Variants in ADCY2 observed in about 807,000 individuals in gnomAD.
The protein encoded by ADCY2 is adenylate cyclase type 2.
Under a neutral mutation model 125.2 loss-of-function variants are expected in ADCY2, and 31 were observed. That is an observed-to-expected ratio of 0.25 (90% CI 0.19 to 0.33). The LOEUF (loss-of-function observed/expected upper bound fraction) is 0.33. Among genes scored for constraint, ADCY2 ranks in the 10% least tolerant of loss-of-function variants. The pLI is 1.00. For missense variants in ADCY2, 904 were observed against 1,418.2 expected (o/e 0.64, Z 5.82); for synonymous variants, 512 against 548.4 (o/e 0.93, Z 0.93).
At chr5:7,407,911 C>A (rs536012663) in intron 1 of ADCY2, among the ~76,000 whole-genome samples, 1 of 146,906 alleles carries the variant, frequency 6.8e-6, no homozygotes, top group Non-Finnish European at 1.5e-5. Context: ...CTCTGTCGAT[C>A]CAGCTGGAGT....
chr5:7,503,580 T>C (rs1029386153), intron 2 of ADCY2, among the ~76,000 whole-genome samples: 1 of 152,060 alleles, frequency 6.6e-6, no homozygotes, highest in Non-Finnish European at 1.5e-5. Flanking sequence ...CCGCCTGCCG[T>C]TGGGGGGATC....
intron 3 of ADCY2, among the ~76,000 whole-genome samples, chr5:7,592,708 C>T (rs1037031543): frequency 2.0e-5 from 3 of 151,924 alleles, no homozygotes; most frequent in African/African-American, 7.3e-5. Context: ...TAACTGTTAC[C>T]CTGTCAATAA....
intron 2 of ADCY2, among the ~76,000 whole-genome samples, chr5:7,484,531 G>C (rs148735169): frequency 6.6e-6 from 1 of 152,248 alleles, no homozygotes; most frequent in Admixed American, 6.5e-5. Context: ...ACAATTCCAC[G>C]TCTTCTCTCC....
intron 24 of ADCY2, among the ~76,000 whole-genome samples, chr5:7,825,113 A>G (rs1745425431): frequency 1.3e-5 from 2 of 148,890 alleles, no homozygotes; most frequent in South Asian, 4.3e-4. Context: ...CAACACTGCT[A>G]TGTGCCAGAA....
intron 3 of ADCY2, among the ~76,000 whole-genome samples, chr5:7,614,415 A>G (rs904964961): frequency 1.3e-5 from 2 of 152,084 alleles, no homozygotes; most frequent in African/African-American, 4.8e-5. Context: ...AGAATTCCCA[A>G]AATGGTAGCT....
At chr5:7,512,591 T>G (rs1334000123) in intron 2 of ADCY2, among the ~76,000 whole-genome samples, 1 of 152,180 alleles carries the variant, frequency 6.6e-6, no homozygotes, top group African/African-American at 2.4e-5. Context: ...GCATAAAATA[T>G]TCCTTGTGAA....
In ADCY2 at chr5:7,520,948, G is replaced by A. The variant is rs763871670; in HGVS notation, c.570+49G>A. ...GAGAATGACTTTCCACATCCCACCA[G>A]GGGGTGAGGCAGGTGCTGCTGGCCC... On this transcript the variant is annotated intron_variant, in intron 3 of 24. Transcript: ENST00000338316. The A allele has an allele frequency of 2.5e-6, 4 of 1,605,790 alleles. No homozygotes were observed. The East Asian group carries it at 6.7e-5, about 27-fold the overall frequency.
intron 2 of ADCY2, among the ~76,000 whole-genome samples, chr5:7,437,485 G>A (rs748358921): frequency 1.3e-5 from 2 of 152,350 alleles, no homozygotes; most frequent in South Asian, 2.1e-4. Flanking sequence ...CACACGTTAC[G>A]AAGACCCTGG....
intron 3 of ADCY2, among the ~76,000 whole-genome samples, chr5:7,595,686 C>T (rs901736953): frequency 3.3e-5 from 5 of 152,148 alleles, no homozygotes; most frequent in Non-Finnish European, 7.3e-5. Flanking sequence ...CCCCACCTCA[C>T]AGATACCCAA....
chr5:7,660,925 G>T (rs759064919), intron 4 of ADCY2, among the ~76,000 whole-genome samples: 1 of 152,212 alleles, frequency 6.6e-6, no homozygotes, highest in African/African-American at 2.4e-5. Flanking sequence ...GGTGAGGAAA[G>T]ATCCTTGTAC....
chr5:7,650,403 G>T (rs1739047532), intron 4 of ADCY2, among the ~76,000 whole-genome samples: 1 of 152,018 alleles, frequency 6.6e-6, no homozygotes, highest in Non-Finnish European at 1.5e-5. Flanking sequence ...ATATCCTTTG[G>T]TCTTTTGGAC....
At chr5:7,445,014 G>A (rs981137724) in intron 2 of ADCY2, among the ~76,000 whole-genome samples, 2 of 152,102 alleles carry the variant, frequency 1.3e-5, no homozygotes, top group Admixed American at 1.3e-4. Context: ...TTTGATTTAA[G>A]TTGCAAAGAT....
At chr5:7,779,271 G>A (rs551545173) in intron 18 of ADCY2, among the ~76,000 whole-genome samples, 1 of 152,310 alleles carries the variant, frequency 6.6e-6, no homozygotes, top group East Asian at 1.9e-4. Flanking sequence ...ATGTCCTGTG[G>A]TTTGGACTCA....
At chr5:7,676,309 G>A (rs777106501) in intron 4 of ADCY2, among the ~76,000 whole-genome samples, 5 of 152,184 alleles carry the variant, frequency 3.3e-5, no homozygotes, top group Non-Finnish European at 5.9e-5. Flanking sequence ...AAGTATTTAA[G>A]TAAAATCACT....
At chr5:7,730,371 T>C (rs1316040765) in intron 14 of ADCY2, among the ~76,000 whole-genome samples, 1 of 152,228 alleles carries the variant, frequency 6.6e-6, no homozygotes, top group Non-Finnish European at 1.5e-5. Flanking sequence ...TCTGAAGTTA[T>C]TCATAATCTC....
At chr5:7,522,000 C>T (rs1431083177) in intron 3 of ADCY2, among the ~76,000 whole-genome samples, 4 of 152,142 alleles carry the variant, frequency 2.6e-5, no homozygotes, top group Non-Finnish European at 5.9e-5. Flanking sequence ...CATCCACTCC[C>T]AGGAAGAGGA....
chr5:7,706,931 C>T, intron 8 of ADCY2, 29 bp downstream of exon 8: 1 of 1,612,936 alleles, frequency 6.2e-7, no homozygotes, highest in Non-Finnish European at 8.5e-7. Flanking sequence ...TTTCTTTCTT[C>T]AAGCAGGCAG....
chr5:7,526,940 G>A (rs147392714), intron 3 of ADCY2, among the ~76,000 whole-genome samples: 216 of 89,860 alleles, frequency 2.4e-3, no homozygotes, highest in African/African-American at 5.8e-3. Flanking sequence ...TACATCTAGC[G>A]TAAAAACCAA....
chr5:7,514,210 A>G (rs1214507381), intron 2 of ADCY2, among the ~76,000 whole-genome samples: 1 of 152,194 alleles, frequency 6.6e-6, no homozygotes, highest in Non-Finnish European at 1.5e-5. Context: ...GTGAAAGTCC[A>G]TGGACCTTGA....
Sources: allele counts gnomAD v4.1 joint callset (sites outside exome capture counted in the v4.1 genomes callset), GRCh38; gene constraint gnomAD v4.1.1; transcripts MANE v1.5; gene names NCBI Gene and HGNC (gene_info 2026-07-23, HGNC 2026-07-21).